The following DCAF17 variants were observed in gnomAD, a reference collection of about 807,000 sequenced individuals.
DCAF17 encodes the protein DDB1 and CUL4 associated factor 17.
Under a neutral mutation model 66.0 loss-of-function variants are expected in DCAF17, and 48 were observed. The ratio of observed to expected loss-of-function variants is 0.73; its 90% CI spans 0.58 to 0.92. The LOEUF (loss-of-function observed/expected upper bound fraction) is 0.92. DCAF17 is among the 40% of genes least tolerant of loss of function. The pLI is 0.00. For synonymous variants in DCAF17, 206 were observed against 214.6 expected, an observed-to-expected ratio of 0.96 and a Z score of 0.35; for missense variants, 562 against 622.8, an observed-to-expected ratio of 0.90 and a Z score of 1.04.
intron 5 of DCAF17, among the ~76,000 whole-genome samples, chr2:171,452,112 CT>C (rs764017376): frequency 2.0e-5 from 3 of 152,050 alleles, no homozygotes; most frequent in Non-Finnish European, 4.4e-5. Flanking sequence ...AAGGGAGAAT[CT>C]TTTGGGCTTT....
Position 171,434,541 on chromosome 2 carries a change from G to GGCGGCCCAGCCTACCCAGGGC in DCAF17, c.-36_-16dup. On this transcript the variant is annotated 5_prime_UTR_variant, in exon 1 of 14. Coordinates refer to ENST00000375255, the MANE Select transcript of DCAF17 (RefSeq NM_025000.4). ...CACGGGAGTGTGGGGCGCGCCACTC[G>GGCGGCCCAGCCTACCCAGGGC]GCGGCCCAGCCTACCCAGGGCCCGG... The GGCGGCCCAGCCTACCCAGGGC allele has an allele frequency of 2.0e-6, 3 of 1,523,616 alleles. No homozygotes were observed. The highest frequency in any genetic ancestry group is 2.6e-6 in the Non-Finnish European group (3 of 1,140,424). 94.4% of individuals were successfully genotyped at this position (1,523,616 alleles called of 1,614,324 possible).
At chr2:171,460,302 G>A (rs556905701) in intron 8 of DCAF17, among the ~76,000 whole-genome samples, 5 of 142,644 alleles carry the variant, frequency 3.5e-5, no homozygotes, top group South Asian at 2.3e-4. Context: ...TAGCCTGGGC[G>A]ATTGAGCGAG....
chr2:171,458,160 AG>A, intron 7 of DCAF17, 85 bp downstream of exon 7: 1 of 1,253,360 alleles, frequency 8.0e-7, no homozygotes, highest in South Asian at 1.2e-5. Flanking sequence ...AGATGCTTTT[AG>A]AGTAAGGCAC....
chr2:171,448,475 T>C (rs1694763835), intron 3 of DCAF17, among the ~76,000 whole-genome samples: 1 of 152,236 alleles, frequency 6.6e-6, no homozygotes. Context: ...AAGTGCTTTA[T>C]GTGAATAAAC....
Position 171,484,061 on chromosome 2 carries a change from A to C in DCAF17, c.*2947A>C, listed in dbSNP as rs972785459. On this transcript the variant is annotated 3_prime_UTR_variant, in exon 14 of 14. Transcript: ENST00000375255. ...TTGGGTAAGATACAAGTCACACATA[A>C]ATTGACAGAAAATGTAGTTCTTCAT... 17 of 454,016 alleles carry C rather than the reference A, an allele frequency of 3.7e-5. No homozygotes were observed. In the East Asian group the frequency reaches 1.1e-3, roughly 30 times the overall value. 28.1% of individuals were successfully genotyped at this position (454,016 alleles called of 1,614,324 possible).
In DCAF17 at chr2:171,444,304, A is replaced by G. The variant is rs557602002; in HGVS notation, c.321+691A>G. Among the ~76,000 whole-genome samples, 4 of 152,320 alleles carry G rather than the reference A, an allele frequency of 2.6e-5. No homozygotes were observed. The South Asian group carries it at 8.3e-4, about 32-fold the overall frequency. On this transcript the variant is annotated intron_variant, in intron 3 of 13. Transcript: ENST00000375255. ...ATCATAGAACTTCCTTGTTTAAGGA[A>G]TATTTCTAAGTACAGGTTGAGCATC...
intron 9 of DCAF17, among the ~76,000 whole-genome samples, chr2:171,469,627 G>A (rs1393044608): frequency 6.6e-6 from 1 of 152,050 alleles, no homozygotes; most frequent in East Asian, 1.9e-4. Context: ...CATTTATTGA[G>A]GGCCTACCAT....
chr2:171,463,220 A>AT (rs111737117), intron 8 of DCAF17, among the ~76,000 whole-genome samples: 100 of 125,418 alleles, frequency 8.0e-4, no homozygotes, highest in African/African-American at 2.7e-3. Flanking sequence ...ATGGAGCGAG[A>AT]TTTTAAAAAA....
At chr2:171,458,831 C>A (rs1003666027) in intron 8 of DCAF17, among the ~76,000 whole-genome samples, 4 of 152,058 alleles carry the variant, frequency 2.6e-5, no homozygotes, top group African/African-American at 9.7e-5. Flanking sequence ...AAATTTACCC[C>A]CTCTCTAAGA....
intron 8 of DCAF17, among the ~76,000 whole-genome samples, chr2:171,459,261 A>G (rs1451596774): frequency 1.3e-5 from 2 of 152,166 alleles, no homozygotes; most frequent in Admixed American, 1.3e-4. Flanking sequence ...GTGGTGAGCC[A>G]AGATCATGCC....
chr2:171,439,780 T>G (rs182985268), intron 2 of DCAF17, among the ~76,000 whole-genome samples: 1 of 152,054 alleles, frequency 6.6e-6, no homozygotes, highest in East Asian at 1.9e-4. Flanking sequence ...AAACAAAAAT[T>G]AGCTGGGCAT....
In DCAF17 at chr2:171,434,649, C is replaced by T; in HGVS notation, c.72C>T (p.Asp24=). 6.5e-7 allele frequency: 1 copy of T among 1,535,688 alleles called. No homozygotes were observed. The highest frequency in any genetic ancestry group is 8.7e-7 in the Non-Finnish European group (1 of 1,149,254). The part of the protein sequence containing the change: ...SRRALGCFSR[D]AGVVQRTNLG... ...GGGCGCTGGGCTGCTTCTCGCGCGA[C>T]GCAGGCGTGGTGCAGAGGACCAACC... Residue 24 remains aspartate (D), a synonymous_variant, in exon 1 of 14, where the codon GAC becomes GAT. Coordinates refer to ENST00000375255, the MANE Select transcript of DCAF17 (RefSeq NM_025000.4).
chr2:171,453,053 T>A, intron 5 of DCAF17, 71 bp from the exon 6 acceptor site: 13 of 1,071,936 alleles, frequency 1.2e-5, no homozygotes, highest in Non-Finnish European at 1.8e-5. Context: ...ATGGATTTTT[T>A]CAACTAATGA....
Position 171,439,217 on chromosome 2 carries a change from TG to T in DCAF17, c.230+4033del, listed in dbSNP as rs1441895706. ...TTTGGGGCTTGGTATCTGTCAGTTTTGGAAAATTCTCAGCCATTATTACTTC... is the reference window on the plus strand; with the variant it reads ...TTTGGGGCTTGGTATCTGTCAGTTTTGAAAATTCTCAGCCATTATTACTTC... On this transcript the variant is annotated intron_variant, in intron 2 of 13. Coordinates refer to ENST00000375255, the MANE Select transcript of DCAF17 (RefSeq NM_025000.4). 3.9e-5 allele frequency among the ~76,000 whole-genome samples: 6 copies of T among 152,318 alleles called. No homozygotes were observed. The East Asian group carries it at 1.2e-3, about 29-fold the overall frequency.
At chr2:171,435,254 AC>A in intron 2 of DCAF17, 68 bp downstream of exon 2, 1 of 1,199,584 alleles carries the variant, frequency 8.3e-7, no homozygotes, top group Non-Finnish European at 1.2e-6. Context: ...TTTGTATAGA[AC>A]CACATGCCTA....
chr2:171,451,239 C>G (rs561610173), intron 5 of DCAF17, among the ~76,000 whole-genome samples: 11 of 152,122 alleles, frequency 7.2e-5, no homozygotes, highest in African/African-American at 2.7e-4. Context: ...TTGGCTACTT[C>G]TACTTACTTT....
intron 9 of DCAF17, among the ~76,000 whole-genome samples, chr2:171,472,692 T>C (rs6741663): frequency 0.98 from 149,346 of 152,296 alleles, 73,311 homozygotes; most frequent in Middle Eastern, 1. Context: ...TGCCTCCCCC[T>C]AGACTATAAG....
intron 8 of DCAF17, among the ~76,000 whole-genome samples, chr2:171,463,320 G>A (rs144376053): frequency 4.7e-5 from 7 of 150,424 alleles, no homozygotes; most frequent in East Asian, 1.9e-4. Flanking sequence ...AAAAAAAATC[G>A]GTGCAAAACT....
intron 5 of DCAF17, among the ~76,000 whole-genome samples, chr2:171,450,398 A>G (rs1004883139): frequency 2.6e-5 from 4 of 152,082 alleles, no homozygotes; most frequent in Non-Finnish European, 5.9e-5. Flanking sequence ...ATAATAATAA[A>G]AATATTTTAA....
Sources: gnomAD v4.1 joint callset for allele counts (sites outside exome capture counted in the v4.1 genomes callset) on GRCh38, gnomAD v4.1.1 for gene constraint, MANE v1.5 for transcripts, NCBI Gene and HGNC (gene_info 2026-07-23, HGNC 2026-07-21) for gene names.